Variants in TRAPPC9 observed in about 807,000 individuals in gnomAD.
TRAPPC9 encodes trafficking protein particle complex subunit 9, also known as IKK2 binding protein.
TRAPPC9 carries 83 observed loss-of-function variants against 124.0 expected under a neutral mutation model. The observed-to-expected ratio is 0.67, with a 90% CI of 0.56 to 0.80. The LOEUF (loss-of-function observed/expected upper bound fraction) is 0.80, where lower values mean the gene tolerates loss of function less well. Ranked by LOEUF, TRAPPC9 falls within the 30% of genes least tolerant of loss-of-function variation. The probability of loss-of-function intolerance (pLI) is 0.00; values close to 1 mark genes in which losing one functional copy is unlikely to be tolerated. For missense variants in TRAPPC9, 1,302 were observed against 1,508.3 expected (o/e 0.86, Z 2.27); for synonymous variants, 638 against 617.5 (o/e 1.03, Z -0.49).
intron 17 of TRAPPC9, among the ~76,000 whole-genome samples, chr8:140,080,014 TC>T (rs1164800277): frequency 6.6e-6 from 1 of 152,116 alleles, no homozygotes; most frequent in Non-Finnish European, 1.5e-5. Context: ...GGCATCACTT[TC>T]CCCTGGTCAG....
chr8:140,289,111 T>A (rs138502557), intron 12 of TRAPPC9, among the ~76,000 whole-genome samples: 134 of 152,246 alleles, frequency 8.8e-4, no homozygotes, highest in African/African-American at 3.1e-3. Flanking sequence ...ATGTCTATGG[T>A]GCAGACGCAG....
chr8:139,939,383 C>G (rs1050973119), intron 19 of TRAPPC9, among the ~76,000 whole-genome samples: 1 of 152,172 alleles, frequency 6.6e-6, no homozygotes, highest in Non-Finnish European at 1.5e-5. Flanking sequence ...GGAAGCGGGG[C>G]GAGCCAGAGA....
chr8:139,950,049 T>G (rs767627177), intron 19 of TRAPPC9, among the ~76,000 whole-genome samples: 38 of 152,176 alleles, frequency 2.5e-4, no homozygotes, highest in Non-Finnish European at 4.9e-4. Context: ...GTCTATAAAA[T>G]CATTCAAGGT....
chr8:139,838,265 C>T (rs745965133), intron 21 of TRAPPC9, among the ~76,000 whole-genome samples: 2 of 152,232 alleles, frequency 1.3e-5, no homozygotes, highest in African/African-American at 2.4e-5. Context: ...GTGCTGGGCA[C>T]ACGCACCTGC....
At chr8:140,317,532 CT>C (rs1218972480) in intron 9 of TRAPPC9, among the ~76,000 whole-genome samples, 1 of 152,230 alleles carries the variant, frequency 6.6e-6, no homozygotes, top group Non-Finnish European at 1.5e-5. Context: ...GCTAGAAGTG[CT>C]CTTTGCTACT....
At chr8:140,057,953 C>T (rs1444667815) in intron 17 of TRAPPC9, among the ~76,000 whole-genome samples, 4 of 152,186 alleles carry the variant, frequency 2.6e-5, no homozygotes, top group South Asian at 4.1e-4. Context: ...TGCCAGTCTC[C>T]GACCACCTGC....
chr8:140,212,286 G>C (rs1268167360), intron 17 of TRAPPC9, among the ~76,000 whole-genome samples: 2 of 152,218 alleles, frequency 1.3e-5, no homozygotes, highest in Non-Finnish European at 2.9e-5. Flanking sequence ...GATTTGCTGA[G>C]AGTTTTCATT....
intron 21 of TRAPPC9, among the ~76,000 whole-genome samples, chr8:139,770,703 T>C (rs1237273012): frequency 6.6e-6 from 1 of 152,062 alleles, no homozygotes; most frequent in African/African-American, 2.4e-5. Context: ...CAGTAAGAAA[T>C]TCAATGACTT....
chr8:139,908,927 G>A lies in TRAPPC9; in HGVS notation c.2964+1220C>T, dbSNP rs118024458. On this transcript the variant is annotated intron_variant, in intron 20 of 22. Coordinates refer to ENST00000438773, the MANE Select transcript of TRAPPC9 (RefSeq NM_001160372.4). Reference sequence around the variant, plus strand: ...ACAACAGACTGTTCCTGTTCACTACGTGAGTCCCCAAGCACTCTATTTTTC... The same window carrying A: ...ACAACAGACTGTTCCTGTTCACTACATGAGTCCCCAAGCACTCTATTTTTC... Among the ~76,000 whole-genome samples, 946 of 152,278 alleles carry A rather than the reference G, an allele frequency of 6.2e-3. 9 individuals are homozygous for A. Among genetic ancestry groups the A allele is most frequent in the Non-Finnish European group, 9.0e-3 (612 of 68,028 alleles).
intron 21 of TRAPPC9, among the ~76,000 whole-genome samples, chr8:139,758,205 G>A (rs1418837813): frequency 6.6e-6 from 1 of 152,250 alleles, no homozygotes; most frequent in South Asian, 2.1e-4. Flanking sequence ...GGTGCCCATC[G>A]CTGGACTTGC....
chr8:139,901,019 A>AT (rs1229151651), intron 20 of TRAPPC9, among the ~76,000 whole-genome samples: 2 of 151,556 alleles, frequency 1.3e-5, no homozygotes, highest in Non-Finnish European at 2.9e-5. Context: ...ATAAATAAAT[A>AT]AAAATAAAAT....
At chr8:139,977,535 G>A (rs192070736) in intron 19 of TRAPPC9, among the ~76,000 whole-genome samples, 6 of 150,672 alleles carry the variant, frequency 4.0e-5, no homozygotes, top group East Asian at 4.0e-4. Flanking sequence ...GGAGAATGGT[G>A]TGAACCTGGG....
At chr8:139,809,224 A>T (rs890396022) in intron 21 of TRAPPC9, among the ~76,000 whole-genome samples, 1 of 152,234 alleles carries the variant, frequency 6.6e-6, no homozygotes, top group Non-Finnish European at 1.5e-5. Flanking sequence ...CACAGAAGCC[A>T]TTTCTGAAAC....
intron 19 of TRAPPC9, among the ~76,000 whole-genome samples, chr8:139,971,708 T>C (rs560092772): frequency 7.4e-4 from 77 of 103,750 alleles, no homozygotes; most frequent in Middle Eastern, 6.4e-3. Flanking sequence ...AATGCTAAAG[T>C]TCATATATAT....
At chr8:140,058,814 G>C (rs1842427144) in intron 17 of TRAPPC9, among the ~76,000 whole-genome samples, 1 of 152,192 alleles carries the variant, frequency 6.6e-6, no homozygotes, top group African/African-American at 2.4e-5. Context: ...GCTCTGGCCA[G>C]AGTGTAAACA....
intron 9 of TRAPPC9, among the ~76,000 whole-genome samples, chr8:140,344,672 C>G (rs1046504079): frequency 2.9e-4 from 44 of 152,366 alleles, no homozygotes; most frequent in African/African-American, 9.6e-4. Context: ...GGACAAGAGC[C>G]AGAAATCAAG....
intron 4 of TRAPPC9, among the ~76,000 whole-genome samples, chr8:140,433,645 T>G (rs999770250): frequency 1.3e-5 from 2 of 152,160 alleles, no homozygotes; most frequent in African/African-American, 4.8e-5. Context: ...CAATGTCCCC[T>G]TGTAGTCAAT....
At chr8:139,734,937 T>A (rs1452399503) in intron 21 of TRAPPC9, among the ~76,000 whole-genome samples, 1 of 152,248 alleles carries the variant, frequency 6.6e-6, no homozygotes, top group Admixed American at 6.5e-5. Flanking sequence ...AAATCCCAGC[T>A]TTTGCTGCAT....
intron 21 of TRAPPC9, among the ~76,000 whole-genome samples, chr8:139,834,098 G>A (rs182845780): frequency 8.5e-5 from 13 of 152,284 alleles, no homozygotes; most frequent in East Asian, 3.9e-4. Flanking sequence ...GAGAAACTCC[G>A]GTGCATAGAG....
Sources: gnomAD v4.1 joint callset for allele counts (sites outside exome capture counted in the v4.1 genomes callset) on GRCh38, gnomAD v4.1.1 for gene constraint, MANE v1.5 for transcripts, NCBI Gene and HGNC (gene_info 2026-07-23, HGNC 2026-07-21) for gene names.